Variants in CYTH1 observed in about 807,000 individuals in gnomAD.
CYTH1 encodes the protein cytohesin 1, also known as cytohesin-1.
Under a neutral mutation model 61.8 loss-of-function variants are expected in CYTH1, and 18 were observed. The observed-to-expected ratio is 0.29, with a 90% CI of 0.20 to 0.43. The LOEUF (loss-of-function observed/expected upper bound fraction) is 0.43. Ranked by LOEUF, CYTH1 falls within the 20% of genes least tolerant of loss-of-function variation. The pLI is 1.00. For missense variants in CYTH1, 336 were observed against 510.5 expected, an observed-to-expected ratio of 0.66 and a Z score of 3.29; for synonymous variants, 174 against 184.3, an observed-to-expected ratio of 0.94 and a Z score of 0.45.
chr17:78,753,860 A>G (rs575210601), intron 1 of CYTH1, among the ~76,000 whole-genome samples: 1 of 152,206 alleles, frequency 6.6e-6, no homozygotes, highest in African/African-American at 2.4e-5. Flanking sequence ...TACTTCAAAC[A>G]CCAAAAAACC....
intron 1 of CYTH1, among the ~76,000 whole-genome samples, chr17:78,754,333 T>G (rs1043738068): frequency 1.7e-4 from 26 of 152,018 alleles, no homozygotes; most frequent in Non-Finnish European, 8.8e-5. Context: ...TAGAAAATTG[T>G]GGGGTTTTTT....
Position 78,700,517 on chromosome 17 carries a change from A to C in CYTH1, c.438-74T>G. On this transcript the variant is annotated intron_variant, in intron 6 of 13. Coordinates refer to ENST00000446868, the MANE Select transcript of CYTH1 (RefSeq NM_004762.6). This position sits in a 1 kb window ranked among gnomAD's most constrained non-coding sequence, Gnocchi z 5.1. Reference sequence around the variant, plus strand: ...TTCTCTATGAATTGTTAAACTGCCAATGATTTTTTTTTTCTTTTTTTTTTT... The same window carrying C: ...TTCTCTATGAATTGTTAAACTGCCACTGATTTTTTTTTTCTTTTTTTTTTT... The C allele has an allele frequency of 8.3e-7, 1 of 1,203,766 alleles. No homozygotes were observed. The highest frequency in any genetic ancestry group is 1.2e-6 in the Non-Finnish European group (1 of 862,392). The allele number at this position is 1,203,766 out of a possible 1,614,324, so 74.6% of individuals were successfully genotyped here.
chr17:78,727,503 C>T (rs2093272782), intron 1 of CYTH1, among the ~76,000 whole-genome samples: 1 of 152,214 alleles, frequency 6.6e-6, no homozygotes, highest in South Asian at 2.1e-4. Flanking sequence ...AAAATAGAAA[C>T]AAACTGGCTC....
chr17:78,719,087 G>A (rs2093206834), intron 1 of CYTH1, among the ~76,000 whole-genome samples: 1 of 152,198 alleles, frequency 6.6e-6, no homozygotes, highest in Non-Finnish European at 1.5e-5. Context: ...GCACAAGGCT[G>A]TATGAATCCA....
At chr17:78,698,779 C>G in intron 8 of CYTH1, 41 bp downstream of exon 8, 1 of 1,532,032 alleles carries the variant, frequency 6.5e-7, no homozygotes, top group Non-Finnish European at 8.7e-7. Flanking sequence ...TCCCAGTGAA[C>G]TCTTTCTTGA....
At chr17:78,725,503 A>G (rs1040609502) in intron 1 of CYTH1, among the ~76,000 whole-genome samples, 2 of 152,208 alleles carry the variant, frequency 1.3e-5, no homozygotes, top group Admixed American at 6.5e-5. Context: ...TTGAGGTGAC[A>G]TCACTGGTTT....
intron 1 of CYTH1, among the ~76,000 whole-genome samples, chr17:78,744,508 C>G (rs11650134): frequency 0.14 from 21,943 of 152,196 alleles, 1,964 homozygotes; most frequent in Middle Eastern, 0.21. Context: ...CTTGTCCAGC[C>G]TCTGCAGGCA....
chr17:78,680,394 C>T, intron 12 of CYTH1, 50 bp from the exon 13 acceptor site: 1 of 1,551,426 alleles, frequency 6.4e-7, no homozygotes, highest in Non-Finnish European at 8.7e-7. Context: ...AAGCTGTTAA[C>T]TGAGAAACAT....
intron 1 of CYTH1, among the ~76,000 whole-genome samples, chr17:78,738,029 T>C (rs1428811808): frequency 1.3e-5 from 2 of 152,228 alleles, no homozygotes; most frequent in Admixed American, 6.5e-5. Flanking sequence ...TCCCATATTG[T>C]AAGACTTCTA....
intron 3 of CYTH1, among the ~76,000 whole-genome samples, chr17:78,706,173 C>T (rs2093063485): frequency 6.6e-6 from 1 of 152,048 alleles, no homozygotes. Flanking sequence ...ATGCACACAC[C>T]TTAAGTGCAC....
At chr17:78,768,880 C>T (rs1020317593) in intron 1 of CYTH1, among the ~76,000 whole-genome samples, 9 of 152,110 alleles carry the variant, frequency 5.9e-5, no homozygotes, top group South Asian at 2.1e-4. Flanking sequence ...AAAGAACGGG[C>T]GCAGTGCCTC....
rs1432477651 is a variant in CYTH1, at chr17:78,700,529, TTC to T, written c.438-88_438-87del. ...TGTTAAACTGCCAATGATTTTTTTTTTCTTTTTTTTTTTGAGATGGAGTCTCA... is the reference window on the plus strand; with the variant it reads ...TGTTAAACTGCCAATGATTTTTTTTTTTTTTTTTTTTGAGATGGAGTCTCA... On this transcript the variant is annotated intron_variant, in intron 6 of 13. Coordinates refer to ENST00000446868, the MANE Select transcript of CYTH1 (RefSeq NM_004762.6). The surrounding 1 kb of genome is among the most constrained non-coding windows in gnomAD (Gnocchi z 5.1). 7.2e-5 allele frequency: 84 copies of T among 1,165,108 alleles called. No individual in the cohort carries two copies. The East Asian group carries it at 1.5e-3, about 21-fold the overall frequency. 72.2% of individuals were successfully genotyped at this position (1,165,108 alleles called of 1,614,324 possible).
chr17:78,727,264 AT>A (rs2093271642), intron 1 of CYTH1, among the ~76,000 whole-genome samples: 1 of 152,218 alleles, frequency 6.6e-6, no homozygotes, highest in Admixed American at 6.5e-5. Context: ...GCGAGTCAGC[AT>A]TCTCAATCTC....
At chr17:78,696,124 G>GT in intron 9 of CYTH1, 115 bp from the exon 10 acceptor site, 1 of 1,310,514 alleles carries the variant, frequency 7.6e-7, no homozygotes, top group Non-Finnish European at 1.0e-6. Flanking sequence ...AAAGTGCAAT[G>GT]TATCAGTCAC....
chr17:78,677,164 T>G, intron 13 of CYTH1: 1 of 438,728 alleles, frequency 2.3e-6, no homozygotes. Flanking sequence ...TGGGAAGCGG[T>G]CTGACCACCT....
At chr17:78,749,522 T>C (rs1468958119) in intron 1 of CYTH1, among the ~76,000 whole-genome samples, 1 of 151,908 alleles carries the variant, frequency 6.6e-6, no homozygotes. Context: ...TCCCAGCTAC[T>C]CAGGAGATTG....
At position 78,698,126 on chromosome 17, in the gene CYTH1, TGCGCGTGCACACACAC is replaced by T. The variant is rs1174521685; in HGVS notation, c.811+127_811+142del. On this transcript the variant is annotated intron_variant, in intron 9 of 13. Coordinates refer to ENST00000446868, the MANE Select transcript of CYTH1 (RefSeq NM_004762.6). ...GTCCATGAATGTGTGTGAACATGCA[TGCGCGTGCACACACAC>T]GCACGCGCACACATGCACACGCACA... 3.1e-5 allele frequency: 22 copies of T among 719,132 alleles called. 1 individual carries two copies. Among genetic ancestry groups the T allele is most frequent in the Admixed American group, 5.3e-5 (2 of 37,524 alleles). The allele number at this position is 719,132 out of a possible 1,614,324, so 44.5% of individuals were successfully genotyped here.
intron 1 of CYTH1, among the ~76,000 whole-genome samples, chr17:78,778,963 C>T (rs187245829): frequency 2.0e-5 from 3 of 152,288 alleles, no homozygotes; most frequent in African/African-American, 7.2e-5. Context: ...TGGAGACTAA[C>T]ACAAACCTTA....
intron 7 of CYTH1, among the ~76,000 whole-genome samples, chr17:78,699,269 C>T (rs2092981953): frequency 6.6e-6 from 1 of 151,646 alleles, no homozygotes; most frequent in African/African-American, 2.4e-5. Context: ...GAGGCCGAGG[C>T]AGGAGAATTG....
Sources: gnomAD v4.1 joint callset for allele counts (sites outside exome capture counted in the v4.1 genomes callset) on GRCh38, gnomAD v4.1.1 for gene constraint, Gnocchi (gnomAD v3.1) non-coding constraint, MANE v1.5 for transcripts, NCBI Gene and HGNC (gene_info 2026-07-23, HGNC 2026-07-21) for gene names.